DOCK6: variants seen among roughly 807,000 people sequenced by gnomAD.
DOCK6 encodes dedicator of cytokinesis 6.
DOCK6 carries 167 observed loss-of-function variants against 230.3 expected under a neutral mutation model. The ratio of observed to expected loss-of-function variants is 0.73; its 90% CI spans 0.64 to 0.82. The LOEUF is 0.82. Among genes scored for constraint, DOCK6 ranks in the 40% least tolerant of loss-of-function variants. The probability of loss-of-function intolerance (pLI) is 0.00; values close to 1 mark genes in which losing one functional copy is unlikely to be tolerated. For synonymous variants in DOCK6, 1,148 were observed against 1,185.0 expected (o/e 0.97, Z 0.64); for missense variants, 2,598 against 2,825.8 (o/e 0.92, Z 1.83).
In DOCK6 at chr19:11,201,205, G is replaced by C. The variant is rs911684566; in HGVS notation, c.5689-153C>G. 6.7e-6 allele frequency among the ~76,000 whole-genome samples: 1 copy of C among 149,172 alleles called. No individual in the cohort carries two copies. The highest frequency in any genetic ancestry group is 6.6e-5 in the Admixed American group (1 of 15,134). Reference sequence around the variant, plus strand: ...TGGGGGCCTTCCTGGGTCTGACTCTGGGGGGGTCCAGCCTTGGGTCTGCTG... The same window carrying C: ...TGGGGGCCTTCCTGGGTCTGACTCTCGGGGGGTCCAGCCTTGGGTCTGCTG... On this transcript the variant is annotated intron_variant, in intron 44 of 47. Coordinates refer to ENST00000294618, the MANE Select transcript of DOCK6 (RefSeq NM_020812.4). This position sits in a 1 kb window ranked among gnomAD's most constrained non-coding sequence, Gnocchi z 4.3.
In DOCK6 at chr19:11,213,376, G is replaced by T. The variant is rs748608827; in HGVS notation, c.4339-48C>A. The T allele has an allele frequency of 7.0e-6, 11 of 1,578,304 alleles. No individual in the cohort carries two copies. In the East Asian group the frequency reaches 2.3e-4, roughly 33 times the overall value. On this transcript the variant is annotated intron_variant, in intron 34 of 47. Transcript: ENST00000294618. ...ACACTGTCCAGCCCCTCCCCGTTCT[G>T]GCTCAGAAGGGGACTGGCCCAAATG...
At position 11,243,359 on chromosome 19, in the gene DOCK6, G is replaced by A. The variant is rs770364368; in HGVS notation, c.1285C>T (p.Arg429Cys). 5 of 1,601,292 alleles carry A rather than the reference G, an allele frequency of 3.1e-6. No individual in the cohort carries two copies. The highest frequency in any genetic ancestry group is 3.5e-5 in the Admixed American group (2 of 57,848). The change falls in exon 12 of 48, where the codon CGC becomes TGC. Residue 429 changes from arginine (R) to cysteine (C), a missense_variant. Physicochemically the swap from Arg to Cys is radical, Grantham distance 180. Coordinates refer to ENST00000294618, the MANE Select transcript of DOCK6 (RefSeq NM_020812.4). This position sits in a 1 kb window ranked among gnomAD's most constrained non-coding sequence, Gnocchi z 6.3. ...GERRPAWTDR[R>C]RRGPQDRASS... ...GCCCGGTCCTGGGGCCCCCGACGGC[G>A]GCGGTCTGTCCAGGCTGGCCGGCGC...
Position 11,262,395 on chromosome 19 carries a change from A to G in DOCK6, c.44+2T>C, listed in dbSNP as rs2080306272. On this transcript the variant is annotated splice_donor_variant, in intron 1 of 47. Coordinates refer to ENST00000294618, the MANE Select transcript of DOCK6 (RefSeq NM_020812.4). LOFTEE classifies it high-confidence loss of function. ...TGGGAGGGGGCCCCGCGGCCACACT[A>G]CCTGTTGATCTTGTGCGCGAAGGCG... is the stretch of plus-strand genomic sequence containing the variant. 7.8e-7 allele frequency: 1 copy of G among 1,275,898 alleles called. No homozygotes were observed. Among genetic ancestry groups the G allele is most frequent in the South Asian group, 2.8e-5 (1 of 36,002 alleles). 79.0% of individuals were successfully genotyped at this position (1,275,898 alleles called of 1,614,324 possible).
intron 9 of DOCK6, 22 bp downstream of exon 9, chr19:11,245,541 C>T (rs951389742): frequency 5.2e-6 from 8 of 1,550,176 alleles, no homozygotes; most frequent in Middle Eastern, 1.7e-4. Context: ...TTACCACCCC[C>T]TTGCCCAGCC....
At chr19:11,225,227 CA>C (rs967067762) in intron 24 of DOCK6, among the ~76,000 whole-genome samples, 39 of 148,396 alleles carry the variant, frequency 2.6e-4, no homozygotes, top group Non-Finnish European at 4.5e-5. Flanking sequence ...GACTCCATCT[CA>C]AAAAAAAAAG....
chr19:11,260,408 C>G (rs1052611343), intron 1 of DOCK6, among the ~76,000 whole-genome samples: 4 of 151,660 alleles, frequency 2.6e-5, no homozygotes, highest in East Asian at 1.9e-4. Flanking sequence ...AGTGAGATCC[C>G]GTTTCTACAA....
intron 24 of DOCK6, among the ~76,000 whole-genome samples, chr19:11,225,985 G>A (rs1023438124): frequency 8.6e-5 from 13 of 151,892 alleles, no homozygotes; most frequent in African/African-American, 2.2e-4. Context: ...CAAGGCTGCC[G>A]TGAACTATGA....
chr19:11,226,322 A>G (rs1403570120), intron 24 of DOCK6, among the ~76,000 whole-genome samples: 1 of 152,202 alleles, frequency 6.6e-6, no homozygotes, highest in African/African-American at 2.4e-5. Flanking sequence ...TAAAATGGAG[A>G]TAACAATAAT....
In DOCK6 at chr19:11,243,687, CAGCTTCTCT is replaced by C; in HGVS notation, c.1119_1127del (p.Glu374_Leu376del). 6.2e-7 allele frequency: 1 copy of C among 1,613,720 alleles called. No homozygotes were observed. Among genetic ancestry groups the C allele is most frequent in the Non-Finnish European group, 8.5e-7 (1 of 1,179,856 alleles). The stretch of plus-strand genomic sequence containing the variant: ...TGCAGAACTGCTCGGCCGCCAGGCG[CAGCTTCTCT>C]AGCTTCTCTTTGTTCTGTGGGGAGA... On this transcript the variant is annotated inframe_deletion, in exon 11 of 48. Transcript: ENST00000294618. The surrounding 1 kb of genome is among the most constrained non-coding windows in gnomAD (Gnocchi z 6.3).
rs776169279 is a variant in DOCK6, at chr19:11,252,523, C to T, written c.336G>A (p.Ala112=). 1.7e-5 allele frequency: 28 copies of T among 1,613,760 alleles called. No homozygotes were observed. The highest frequency in any genetic ancestry group is 4.5e-5 in the East Asian group (2 of 44,902). The change falls in exon 4 of 48, where the codon GCG becomes GCA. Residue 112 remains alanine (A), a synonymous_variant. Transcript: ENST00000294618. ...CCCAGTCCTCAATATACATCTCCAC[C>T]GCGGCCCTCACCTGGGCATCCAGTT... ...DEKLDAQVRA[A]VEMYIEDWVI...
chr19:11,219,173 G>A (rs1454307307), intron 28 of DOCK6, among the ~76,000 whole-genome samples: 10 of 125,188 alleles, frequency 8.0e-5, no homozygotes, highest in Admixed American at 1.7e-4. Flanking sequence ...CACTGCGCCC[G>A]GTTTTTTTTT....
At chr19:11,211,092 C>T (rs947943375) in intron 37 of DOCK6, among the ~76,000 whole-genome samples, 3 of 151,522 alleles carry the variant, frequency 2.0e-5, no homozygotes, top group Admixed American at 6.6e-5. Context: ...CATCTCCCCG[C>T]TTCCTCTATT....
intron 28 of DOCK6, among the ~76,000 whole-genome samples, chr19:11,220,819 T>C (rs2079566845): frequency 6.6e-6 from 1 of 151,094 alleles, no homozygotes; most frequent in Admixed American, 6.6e-5. Context: ...ATATAATATC[T>C]GAATTTTTTT....
At position 11,248,065 on chromosome 19, in the gene DOCK6, C is replaced by G; in HGVS notation, c.806+1G>C. ...GAAGAGAGACATGTCAGTATACTCA[C>G]TTGAGCGACAGACACTTGACCAAGA... On this transcript the variant is annotated splice_donor_variant, in intron 7 of 47. Transcript: ENST00000294618. LOFTEE classifies it high-confidence loss of function. The G allele has an allele frequency of 1.9e-6, 3 of 1,610,744 alleles. No homozygotes were observed. Among genetic ancestry groups the G allele is most frequent in the Non-Finnish European group, 2.5e-6 (3 of 1,178,496 alleles).
chr19:11,205,609 C>T (rs1321172995), intron 39 of DOCK6, among the ~76,000 whole-genome samples: 1 of 151,960 alleles, frequency 6.6e-6, no homozygotes, highest in Non-Finnish European at 1.5e-5. Flanking sequence ...TCTCAAAGTG[C>T]CGGGATTACA....
intron 30 of DOCK6, 157 bp downstream of exon 30, chr19:11,216,757 G>T: frequency 1.3e-6 from 1 of 744,560 alleles, no homozygotes; most frequent in Non-Finnish European, 2.2e-6. Context: ...TTTATTCCTT[G>T]CCTCAGCACA....
chr19:11,221,989 C>G lies in DOCK6; in HGVS notation c.3412G>C (p.Ala1138Pro). ...AFLLHKKAIS[A>P]VHSLLCGHDT... ...TGGCCACATAGCAGGCTGTGCACAG[C>G]ACTGATGGCCTTCTTGTGCAACAGG... Residue 1138 changes from alanine to proline, a missense_variant, in exon 28 of 48, where the codon GCT becomes CCT. Physicochemically the swap from Ala to Pro is conservative, Grantham distance 27 (BLOSUM62 -1). Coordinates refer to ENST00000294618, the MANE Select transcript of DOCK6 (RefSeq NM_020812.4). 1.2e-6 allele frequency: 2 copies of G among 1,612,224 alleles called. No homozygotes were observed. Among genetic ancestry groups the G allele is most frequent in the Non-Finnish European group, 1.7e-6 (2 of 1,178,446 alleles).
chr19:11,259,198 T>A (rs1215137671), intron 1 of DOCK6, among the ~76,000 whole-genome samples: 1 of 152,072 alleles, frequency 6.6e-6, no homozygotes, highest in Non-Finnish European at 1.5e-5. Context: ...ACTACAGGTA[T>A]GAGCCACCAT....
intron 1 of DOCK6, among the ~76,000 whole-genome samples, chr19:11,255,393 C>T (rs1271825689): frequency 6.6e-6 from 1 of 151,514 alleles, no homozygotes; most frequent in Non-Finnish European, 1.5e-5. Flanking sequence ...CAACCTTCGC[C>T]TCCCAGGCTC....
Sources: gnomAD v4.1 joint callset for allele counts (sites outside exome capture counted in the v4.1 genomes callset) on GRCh38, gnomAD v4.1.1 for gene constraint, Gnocchi (gnomAD v3.1) non-coding constraint, MANE v1.5 for transcripts, NCBI Gene and HGNC (gene_info 2026-07-23, HGNC 2026-07-21) for gene names.